RFX3: variants seen among roughly 807,000 people sequenced by gnomAD.
RFX3 encodes regulatory factor X3.
Under a neutral mutation model 98.6 loss-of-function variants are expected in RFX3, and 14 were observed. The observed-to-expected ratio is 0.14, with a 90% CI of 0.09 to 0.22. RFX3 has a LOEUF of 0.22. Ranked by LOEUF, RFX3 falls within the 10% of genes least tolerant of loss-of-function variation. RFX3 has a pLI of 1.00. For missense variants in RFX3, 639 were observed against 926.9 expected (o/e 0.69, Z 4.03); for synonymous variants, 383 against 328.4 (o/e 1.17, Z -1.80).
chr9:3,477,416 T>C (rs923411022), intron 1 of RFX3, among the ~76,000 whole-genome samples: 2 of 152,224 alleles, frequency 1.3e-5, no homozygotes, highest in African/African-American at 4.8e-5. Flanking sequence ...TGGAAACGTC[T>C]TAATTTCACT....
At position 3,391,218 on chromosome 9, in the gene RFX3, G is replaced by C. The variant is rs7860267; in HGVS notation, c.117+4254C>G. Reference sequence around the variant, plus strand: ...CAATTCAAACATTATAGGCATGTCAGAGGAATAGGAATTATAGCATGAATC... The same window carrying C: ...CAATTCAAACATTATAGGCATGTCACAGGAATAGGAATTATAGCATGAATC... On this transcript the variant is annotated intron_variant, in intron 2 of 16. Transcript: ENST00000617270. Among the ~76,000 whole-genome samples the C allele has an allele frequency of 8.5e-3, 1,293 of 152,182 alleles. 22 individuals are homozygous for C. The highest frequency in any genetic ancestry group is 0.03 in the African/African-American group (1,235 of 41,492).
intron 2 of RFX3, among the ~76,000 whole-genome samples, chr9:3,347,343 A>G (rs1834561433): frequency 6.6e-6 from 1 of 152,024 alleles, no homozygotes; most frequent in Non-Finnish European, 1.5e-5. Flanking sequence ...GAAAGTTCTT[A>G]TTTTGGTGAC....
chr9:3,406,686 G>C (rs1371137019), intron 1 of RFX3, among the ~76,000 whole-genome samples: 1 of 152,068 alleles, frequency 6.6e-6, no homozygotes, highest in Non-Finnish European at 1.5e-5. Flanking sequence ...TGCTGCACCA[G>C]AGGCATATTC....
intron 2 of RFX3, among the ~76,000 whole-genome samples, chr9:3,383,233 C>G (rs1348319287): frequency 1.3e-4 from 19 of 151,940 alleles, no homozygotes; most frequent in Non-Finnish European, 1.5e-5. Flanking sequence ...ATAGGAGGTT[C>G]AAGGATCACT....
intron 1 of RFX3, among the ~76,000 whole-genome samples, chr9:3,433,608 C>T (rs962151664): frequency 2.0e-5 from 3 of 152,192 alleles, no homozygotes; most frequent in African/African-American, 7.2e-5. Flanking sequence ...CAAACCACTA[C>T]ACTGTTCAAG....
At chr9:3,257,250 C>T in intron 13 of RFX3, 51 bp from the exon 14 acceptor site, 1 of 1,469,988 alleles carries the variant, frequency 6.8e-7, no homozygotes, top group Non-Finnish European at 9.5e-7. Flanking sequence ...AGCATCCTTT[C>T]ATTGAATGCC....
chr9:3,298,038 G>C (rs1828199733), intron 5 of RFX3, among the ~76,000 whole-genome samples: 5 of 151,320 alleles, frequency 3.3e-5, no homozygotes, highest in Admixed American at 3.3e-4. Context: ...ATTTCATTTA[G>C]GCAGACTATA....
chr9:3,513,346 T>G (rs1221573623), intron 1 of RFX3, among the ~76,000 whole-genome samples: 1 of 152,176 alleles, frequency 6.6e-6, no homozygotes, highest in Non-Finnish European at 1.5e-5. Context: ...GAAATGATAT[T>G]TCTTTTTCTC....
intron 5 of RFX3, among the ~76,000 whole-genome samples, chr9:3,300,110 C>A (rs949987913): frequency 6.6e-6 from 1 of 151,300 alleles, no homozygotes; most frequent in Non-Finnish European, 1.5e-5. Context: ...ACCCCCCGGA[C>A]ACACACAGCC....
At chr9:3,309,885 G>A (rs1382755374) in intron 4 of RFX3, among the ~76,000 whole-genome samples, 1 of 152,138 alleles carries the variant, frequency 6.6e-6, no homozygotes, top group Admixed American at 6.6e-5. Flanking sequence ...GGAGCATTGA[G>A]AGATTCTGAG....
intron 1 of RFX3, among the ~76,000 whole-genome samples, chr9:3,512,745 C>G (rs1458948869): frequency 1.3e-5 from 2 of 151,930 alleles, no homozygotes; most frequent in Admixed American, 6.6e-5. Flanking sequence ...TTGGGTCCTC[C>G]CATTAGGTAA....
chr9:3,425,231 G>A (rs144893353), intron 1 of RFX3, among the ~76,000 whole-genome samples: 10 of 152,296 alleles, frequency 6.6e-5, no homozygotes, highest in South Asian at 2.1e-4. Flanking sequence ...CAATGAGACC[G>A]TGTCTCAGAA....
intron 15 of RFX3, among the ~76,000 whole-genome samples, chr9:3,231,323 G>A (rs1451501503): frequency 6.6e-6 from 1 of 152,146 alleles, no homozygotes; most frequent in African/African-American, 2.4e-5. Flanking sequence ...CATGTGAGGG[G>A]ACAACAGATG....
At chr9:3,281,558 T>C (rs1352101715) in intron 7 of RFX3, among the ~76,000 whole-genome samples, 5 of 151,784 alleles carry the variant, frequency 3.3e-5, no homozygotes, top group Non-Finnish European at 5.9e-5. Flanking sequence ...TATCAAATAA[T>C]GAAACAGCAC....
chr9:3,274,266 G>C (rs931377187), intron 9 of RFX3, among the ~76,000 whole-genome samples: 3 of 152,156 alleles, frequency 2.0e-5, no homozygotes, highest in African/African-American at 7.2e-5. Context: ...GTCTATTAAT[G>C]CTATGAGCTA....
intron 1 of RFX3, among the ~76,000 whole-genome samples, chr9:3,524,155 C>A (rs900802037): frequency 2.4e-4 from 36 of 152,150 alleles, no homozygotes; most frequent in African/African-American, 5.8e-4. Flanking sequence ...TACAATAGTA[C>A]ATTATATTTG....
chr9:3,458,074 T>G (rs1160318241), intron 1 of RFX3, among the ~76,000 whole-genome samples: 2 of 152,190 alleles, frequency 1.3e-5, no homozygotes, highest in African/African-American at 4.8e-5. Context: ...GGGAACAGCA[T>G]GTGCAAAGCC....
At position 3,451,833 on chromosome 9, in the gene RFX3, GT is replaced by G. The variant is rs369638471; in HGVS notation, c.-8-56238del. 9.6e-3 allele frequency among the ~76,000 whole-genome samples: 1,331 copies of G among 139,086 alleles called. 21 individuals carry two copies. Among genetic ancestry groups the G allele is most frequent in the African/African-American group, 0.024 (911 of 38,386 alleles). The allele number at this position is 139,086 out of a possible 152,430, so 91.2% of individuals were successfully genotyped here. On this transcript the variant is annotated intron_variant, in intron 1 of 16. Coordinates refer to ENST00000617270, the MANE Select transcript of RFX3 (RefSeq NM_001282116.2). ...TAAAATAAAAAGATGTATTTTAAAA[GT>G]TTTTTTTTTTTTTTAATATCTGCTA... is the stretch of plus-strand genomic sequence containing the variant.
At chr9:3,324,561 T>C (rs960402954) in intron 4 of RFX3, among the ~76,000 whole-genome samples, 3 of 146,292 alleles carry the variant, frequency 2.1e-5, no homozygotes, top group African/African-American at 7.7e-5. Flanking sequence ...AAAAGCAAGA[T>C]GCGGCATTTT....
Sources: allele counts gnomAD v4.1 joint callset (sites outside exome capture counted in the v4.1 genomes callset), GRCh38; gene constraint gnomAD v4.1.1; transcripts MANE v1.5; gene names NCBI Gene and HGNC (gene_info 2026-07-23, HGNC 2026-07-21).